Variants in EPHA5 observed in about 807,000 individuals in gnomAD.
EPHA5 encodes the protein EPH receptor A5.
In EPHA5, 60 loss-of-function variants were observed where a neutral mutation model predicts 105.0. That is an observed-to-expected ratio of 0.57 (90% confidence interval 0.46 to 0.71). The LOEUF (loss-of-function observed/expected upper bound fraction) is 0.71. Among genes scored for constraint, EPHA5 ranks in the 30% least tolerant of loss-of-function variants. EPHA5 has a pLI of 0.00. For missense variants in EPHA5, 1,218 were observed against 1,274.7 expected, an observed-to-expected ratio of 0.96 and a Z score of 0.68; for synonymous variants, 513 against 449.1, an observed-to-expected ratio of 1.14 and a Z score of -1.80.
chr4:65,531,285 C>T (rs987249241), intron 3 of EPHA5, among the ~76,000 whole-genome samples: 1 of 151,882 alleles, frequency 6.6e-6, no homozygotes, highest in Non-Finnish European at 1.5e-5. Flanking sequence ...GATCCACCCG[C>T]CTCGGCCTCC....
At chr4:65,522,746 G>A (rs79319369) in intron 3 of EPHA5, among the ~76,000 whole-genome samples, 22,546 of 151,900 alleles carry the variant, frequency 0.15, 1,966 homozygotes, top group Middle Eastern at 0.27. Context: ...TCATCTACTC[G>A]GAAGGCTGGG....
At chr4:65,631,860 TG>T (rs1405758732) in intron 2 of EPHA5, among the ~76,000 whole-genome samples, 2 of 152,060 alleles carry the variant, frequency 1.3e-5, no homozygotes, top group Admixed American at 1.3e-4. Flanking sequence ...AAGAAAATAT[TG>T]GCATTAATTT....
chr4:65,397,242 T>A (rs893942608), intron 8 of EPHA5, among the ~76,000 whole-genome samples: 1 of 152,124 alleles, frequency 6.6e-6, no homozygotes, highest in Admixed American at 6.5e-5. Flanking sequence ...AAGGTGGACC[T>A]CCTCCTGGAC....
intron 2 of EPHA5, among the ~76,000 whole-genome samples, chr4:65,636,639 TAGAA>T (rs1747145693): frequency 6.6e-6 from 1 of 152,124 alleles, no homozygotes; most frequent in Non-Finnish European, 1.5e-5. Flanking sequence ...AAGATAGAAT[TAGAA>T]AGAGCTATAT....
At chr4:65,599,527 C>A (rs990541529) in intron 3 of EPHA5, among the ~76,000 whole-genome samples, 1 of 152,110 alleles carries the variant, frequency 6.6e-6, no homozygotes, top group Non-Finnish European at 1.5e-5. Flanking sequence ...ACTTGAAACT[C>A]TTCCTAGAGT....
intron 3 of EPHA5, among the ~76,000 whole-genome samples, chr4:65,533,048 T>G (rs190172009): frequency 6.6e-6 from 1 of 152,188 alleles, no homozygotes; most frequent in Admixed American, 6.5e-5. Context: ...AGTCAAACTT[T>G]CCATTAATAT....
chr4:65,634,243 A>G lies in EPHA5; in HGVS notation c.246+9120T>C, dbSNP rs547846055. On this transcript the variant is annotated intron_variant, in intron 2 of 16. Coordinates refer to ENST00000613740, the MANE Select transcript of EPHA5 (RefSeq NM_001281766.3). ...TTCTAAAGAATAAAATATTGGCATT[A>G]ATTTATATTGATTTTACATATATAA... 4.6e-5 allele frequency among the ~76,000 whole-genome samples: 7 copies of G among 152,248 alleles called. No homozygotes were observed. In the South Asian group the frequency reaches 1.5e-3, roughly 32 times the overall value.
intron 5 of EPHA5, among the ~76,000 whole-genome samples, chr4:65,426,337 C>T (rs1724437650): frequency 6.6e-6 from 1 of 152,256 alleles, no homozygotes; most frequent in African/African-American, 2.4e-5. Flanking sequence ...GAATGTCCTT[C>T]CTTATCTTCC....
At chr4:65,347,105 T>C (rs1185406691) in intron 14 of EPHA5, among the ~76,000 whole-genome samples, 1 of 152,168 alleles carries the variant, frequency 6.6e-6, no homozygotes, top group Admixed American at 6.5e-5. Flanking sequence ...GAGAGCTATA[T>C]AGTATCTGTC....
chr4:65,522,940 T>G (rs966776590), intron 3 of EPHA5, among the ~76,000 whole-genome samples: 2 of 151,912 alleles, frequency 1.3e-5, no homozygotes, highest in Non-Finnish European at 2.9e-5. Flanking sequence ...ATTGAGAATG[T>G]TATCAAGGGA....
chr4:65,400,193 C>T (rs1721677441), intron 8 of EPHA5, among the ~76,000 whole-genome samples: 1 of 152,038 alleles, frequency 6.6e-6, no homozygotes, highest in African/African-American at 2.4e-5. Flanking sequence ...AAGAGATAAA[C>T]TCTACAAAAT....
intron 3 of EPHA5, among the ~76,000 whole-genome samples, chr4:65,548,771 G>A (rs1015424998): frequency 6.6e-6 from 1 of 152,064 alleles, no homozygotes; most frequent in Non-Finnish European, 1.5e-5. Flanking sequence ...GTCTGCCTCA[G>A]TATAACAAAG....
intron 5 of EPHA5, among the ~76,000 whole-genome samples, chr4:65,484,509 G>A (rs1319224350): frequency 1.3e-5 from 2 of 152,124 alleles, no homozygotes; most frequent in Non-Finnish European, 2.9e-5. Context: ...GTGCAAGTTT[G>A]CTGCATTTTG....
intron 3 of EPHA5, among the ~76,000 whole-genome samples, chr4:65,593,289 T>C (rs1742854266): frequency 6.6e-6 from 1 of 152,150 alleles, no homozygotes; most frequent in South Asian, 2.1e-4. Context: ...TAATGCACAA[T>C]GGCTCTAAAA....
intron 8 of EPHA5, among the ~76,000 whole-genome samples, chr4:65,394,348 A>C (rs985097080): frequency 3.3e-5 from 5 of 152,230 alleles, no homozygotes; most frequent in African/African-American, 1.2e-4. Context: ...GGGAAGTTAT[A>C]TCCTAAAGAG....
chr4:65,636,374 G>A (rs371984363), intron 2 of EPHA5, among the ~76,000 whole-genome samples: 3 of 152,062 alleles, frequency 2.0e-5, no homozygotes, highest in Non-Finnish European at 4.4e-5. Flanking sequence ...CCAGAACCTG[G>A]TCGTTACTCT....
At chr4:65,472,113 A>C (rs1729346376) in intron 5 of EPHA5, among the ~76,000 whole-genome samples, 1 of 152,178 alleles carries the variant, frequency 6.6e-6, no homozygotes, top group Non-Finnish European at 1.5e-5. Context: ...ACATGCTCTC[A>C]TTCCAAATGG....
In EPHA5 at chr4:65,334,293, T is replaced by C. The variant is rs143738105; in HGVS notation, c.2789+1639A>G. Among the ~76,000 whole-genome samples the C allele has an allele frequency of 4.6e-5, 7 of 152,122 alleles. No individual in the cohort carries two copies. In the East Asian group the frequency reaches 5.8e-4, roughly 13 times the overall value. The stretch of plus-strand genomic sequence containing the variant: ...TAGATGTTGGATGAATAAATGAATA[T>C]GTTATAGTGATTTTTAGCCATTAGG... On this transcript the variant is annotated intron_variant, in intron 15 of 16. Transcript: ENST00000613740.
intron 3 of EPHA5, among the ~76,000 whole-genome samples, chr4:65,531,024 A>T (rs1202022936): frequency 3.9e-4 from 30 of 77,204 alleles, no homozygotes; most frequent in Admixed American, 8.3e-4. Flanking sequence ...TATTTTTTTT[A>T]TTTTTTTTAT....
Sources: allele counts gnomAD v4.1 joint callset (sites outside exome capture counted in the v4.1 genomes callset), GRCh38; gene constraint gnomAD v4.1.1; transcripts MANE v1.5; gene names NCBI Gene and HGNC (gene_info 2026-07-23, HGNC 2026-07-21).